Variants in DRC11 observed in about 807,000 individuals in gnomAD.
The protein encoded by DRC11 is dynein regulatory complex subunit 11.
the DRC11 span, among the ~76,000 whole-genome samples, chr2:236,320,387 A>G: frequency 6.6e-6 from 1 of 152,206 alleles, no homozygotes; most frequent in African/African-American, 2.4e-5. Context: ...GTGGCTAAAA[A>G]TCACGTCAGT....
At chr2:236,363,861 G>A in the DRC11 span, 1 of 1,613,998 alleles carries the variant, frequency 6.2e-7, no homozygotes, top group African/African-American at 1.3e-5. The surrounding 1 kb of genome is among the most constrained non-coding windows in gnomAD (Gnocchi z 5.6). Context: ...ACAAGTTGAA[G>A]AGGTTGGCTC....
the DRC11 span, among the ~76,000 whole-genome samples, chr2:236,373,679 T>C: frequency 6.6e-6 from 1 of 152,260 alleles, no homozygotes; most frequent in Non-Finnish European, 1.5e-5. Flanking sequence ...GCATTGACCT[T>C]GAACTTTTCC....
At chr2:236,476,734 CT>C in the DRC11 span, among the ~76,000 whole-genome samples, 1 of 145,938 alleles carries the variant, frequency 6.9e-6, no homozygotes, top group Admixed American at 6.9e-5. The surrounding 1 kb of genome is among the most constrained non-coding windows in gnomAD (Gnocchi z 4.7). Flanking sequence ...TTTTTTTTTC[CT>C]GATTGTATTT....
chr2:236,490,832 C>A, the DRC11 span, among the ~76,000 whole-genome samples: 1 of 150,588 alleles, frequency 6.6e-6, no homozygotes, highest in African/African-American at 2.5e-5. The surrounding 1 kb of genome is among the most constrained non-coding windows in gnomAD (Gnocchi z 5.5). Flanking sequence ...TATACATATA[C>A]ACATATATAC....
the DRC11 span, chr2:236,488,310 TGA>T: frequency 3.1e-6 from 2 of 646,046 alleles, no homozygotes; most frequent in Non-Finnish European, 5.0e-6. Context: ...CGGCTGATCA[TGA>T]GTGTGAGAAC....
At chr2:236,459,689 A>ATACGTATATACGTATATATG in the DRC11 span, among the ~76,000 whole-genome samples, 14 of 129,078 alleles carry the variant, frequency 1.1e-4, no homozygotes, top group African/African-American at 3.5e-4. Flanking sequence ...ATGTATATAC[A>ATACGTATATACGTATATATG]TATATACATA....
chr2:236,395,015 G>T, the DRC11 span, among the ~76,000 whole-genome samples: 1 of 152,192 alleles, frequency 6.6e-6, no homozygotes, highest in Non-Finnish European at 1.5e-5. Context: ...CTTACAAACA[G>T]ACAGAAAATA....
the DRC11 span, among the ~76,000 whole-genome samples, chr2:236,457,885 T>C: frequency 3.3e-5 from 5 of 152,324 alleles, no homozygotes; most frequent in African/African-American, 1.2e-4. The surrounding 1 kb of genome is among the most constrained non-coding windows in gnomAD (Gnocchi z 4.7). Context: ...AGAAAATAAA[T>C]TTCTATTGTT....
At chr2:236,352,524 C>T in the DRC11 span, among the ~76,000 whole-genome samples, 1 of 152,006 alleles carries the variant, frequency 6.6e-6, no homozygotes. This position sits in a 1 kb window ranked among gnomAD's most constrained non-coding sequence, Gnocchi z 7.0. Flanking sequence ...TGTTGGCAGG[C>T]GCATCTGCTG....
At chr2:236,452,171 G>A in the DRC11 span, among the ~76,000 whole-genome samples, 2,079 of 152,282 alleles carry the variant, frequency 0.014, 27 homozygotes, top group Non-Finnish European at 0.021. This position sits in a 1 kb window ranked among gnomAD's most constrained non-coding sequence, Gnocchi z 4.7. Context: ...TGTGAGGTAT[G>A]GAGCATTTGG....
chr2:236,401,179 G>C, the DRC11 span, among the ~76,000 whole-genome samples: 8 of 152,108 alleles, frequency 5.3e-5, no homozygotes, highest in African/African-American at 1.4e-4. This position sits in a 1 kb window ranked among gnomAD's most constrained non-coding sequence, Gnocchi z 4.6. Context: ...CACCTCTGGG[G>C]CCTTTGCCCT....
At chr2:236,420,239 C>T in the DRC11 span, among the ~76,000 whole-genome samples, 1 of 152,300 alleles carries the variant, frequency 6.6e-6, no homozygotes, top group African/African-American at 2.4e-5. This position sits in a 1 kb window ranked among gnomAD's most constrained non-coding sequence, Gnocchi z 4.8. Context: ...CAGCCAGGGA[C>T]ACACAGCTAG....
At chr2:236,427,571 T>C in the DRC11 span, among the ~76,000 whole-genome samples, 1 of 152,124 alleles carries the variant, frequency 6.6e-6, no homozygotes, top group Non-Finnish European at 1.5e-5. The surrounding 1 kb of genome is among the most constrained non-coding windows in gnomAD (Gnocchi z 5.9). Context: ...CACGATCTTT[T>C]GTATTTCTAT....
At chr2:236,403,124 AGAG>A in the DRC11 span, among the ~76,000 whole-genome samples, 2 of 151,092 alleles carry the variant, frequency 1.3e-5, no homozygotes, top group Admixed American at 6.6e-5. Context: ...AAGGCAAGGA[AGAG>A]GAGGAGGGGG....
At chr2:236,466,174 A>G in the DRC11 span, among the ~76,000 whole-genome samples, 1 of 151,932 alleles carries the variant, frequency 6.6e-6, no homozygotes, top group Non-Finnish European at 1.5e-5. Context: ...TAAAAATTAT[A>G]CATCTTATTT....
the DRC11 span, among the ~76,000 whole-genome samples, chr2:236,358,379 A>AC: frequency 4.4e-4 from 60 of 136,966 alleles, no homozygotes; most frequent in Non-Finnish European, 8.1e-4. Context: ...ATAGATATAT[A>AC]TTTATGATAT....
chr2:236,367,902 C>A, the DRC11 span: 2 of 407,954 alleles, frequency 4.9e-6, no homozygotes, highest in Non-Finnish European at 9.2e-6. The surrounding 1 kb of genome is among the most constrained non-coding windows in gnomAD (Gnocchi z 4.8). Flanking sequence ...TTTGATTAAT[C>A]GTAATTGCAG....
the DRC11 span, among the ~76,000 whole-genome samples, chr2:236,440,568 G>A: frequency 4.6e-5 from 7 of 152,134 alleles, no homozygotes; most frequent in Non-Finnish European, 8.8e-5. Flanking sequence ...TGTTTCACTC[G>A]AAAAAAGGCA....
chr2:236,344,086 C>T, the DRC11 span, among the ~76,000 whole-genome samples: 1 of 151,420 alleles, frequency 6.6e-6, no homozygotes. Flanking sequence ...GGAGGGGGAC[C>T]ATTGAAAGGA....
Sources: allele counts gnomAD v4.1 joint callset (sites outside exome capture counted in the v4.1 genomes callset), GRCh38; gene constraint gnomAD v4.1.1; non-coding constraint Gnocchi (gnomAD v3.1); transcripts MANE v1.5; gene names NCBI Gene and HGNC (gene_info 2026-07-23, HGNC 2026-07-21).